Variants in BMP2K observed in about 807,000 individuals in gnomAD.
The protein encoded by BMP2K is BMP2 inducible kinase.
A neutral mutation model predicts 116.0 loss-of-function variants in BMP2K; 74 were observed. The ratio of observed to expected loss-of-function variants is 0.64; its 90% confidence interval spans 0.53 to 0.77. The LOEUF (loss-of-function observed/expected upper bound fraction) is 0.77, where lower values mean the gene tolerates loss of function less well. Ranked by LOEUF, BMP2K falls within the 30% of genes least tolerant of loss-of-function variation. The pLI is 0.00. For missense variants in BMP2K, 1,365 were observed against 1,403.6 expected, an observed-to-expected ratio of 0.97 and a Z score of 0.44; for synonymous variants, 486 against 502.5, an observed-to-expected ratio of 0.97 and a Z score of 0.44.
Position 78,910,701 on chromosome 4 carries a change from T to C in BMP2K, c.2154T>C (p.Ser718=). Residue 718 remains serine, a synonymous_variant, in exon 16 of 16, where the codon TCT becomes TCC. Coordinates refer to ENST00000502613, the MANE Select transcript of BMP2K (RefSeq NM_198892.2). The part of the protein sequence containing the change: ...PIKNGKTSPA[S]KDQRTGKKTS... ...AGAACGGTAAAACAAGTCCAGCATC[T>C]AAAGATCAGCGGACTGGAAAGAAAA... is the stretch of plus-strand genomic sequence containing the variant. 6.2e-7 allele frequency: 1 copy of C among 1,612,398 alleles called. No individual in the cohort carries two copies. Among genetic ancestry groups the C allele is most frequent in the Non-Finnish European group, 8.5e-7 (1 of 1,179,492 alleles).
At chr4:78,842,205 A>AATTTC (rs1730792203) in intron 3 of BMP2K, among the ~76,000 whole-genome samples, 180 bp from the exon 4 acceptor site, 1 of 152,084 alleles carries the variant, frequency 6.6e-6, no homozygotes, top group Non-Finnish European at 1.5e-5. Flanking sequence ...TTTGAGATGT[A>AATTTC]AAATGTGAAA....
intron 15 of BMP2K, among the ~76,000 whole-genome samples, chr4:78,902,933 T>C (rs1215815594): frequency 6.6e-6 from 1 of 152,124 alleles, no homozygotes; most frequent in Non-Finnish European, 1.5e-5. Flanking sequence ...TAGGATCTCA[T>C]TCTTTTTATG....
intron 14 of BMP2K, among the ~76,000 whole-genome samples, chr4:78,883,609 G>A (rs1443400470): frequency 2.6e-5 from 4 of 152,172 alleles, no homozygotes; most frequent in African/African-American, 7.2e-5. Flanking sequence ...ATGATAATGT[G>A]TATAGTTTTG....
chr4:78,845,658 A>G (rs1730964665), intron 5 of BMP2K, among the ~76,000 whole-genome samples: 1 of 151,644 alleles, frequency 6.6e-6, no homozygotes, highest in Non-Finnish European at 1.5e-5. Flanking sequence ...AGAAAATGGA[A>G]CTATTTGTAA....
intron 3 of BMP2K, among the ~76,000 whole-genome samples, chr4:78,837,916 TAA>T (rs1447053693): frequency 6.6e-6 from 1 of 152,204 alleles, no homozygotes; most frequent in Non-Finnish European, 1.5e-5. Context: ...GTGTTGCGAT[TAA>T]GGGCAGAACC....
intron 2 of BMP2K, among the ~76,000 whole-genome samples, chr4:78,826,824 A>G (rs1424177756): frequency 6.6e-6 from 1 of 152,154 alleles, no homozygotes; most frequent in Non-Finnish European, 1.5e-5. Context: ...TCAGGATAGA[A>G]ATATTTACTG....
At chr4:78,861,502 T>TA (rs747995119) in intron 9 of BMP2K, 34 bp downstream of exon 9, 376 of 1,508,432 alleles carry the variant, frequency 2.5e-4, no homozygotes, top group Non-Finnish European at 2.9e-4. Context: ...GAAAAGGCAT[T>TA]AAAAAAAATG....
chr4:78,862,504 C>T (rs1416240615), intron 9 of BMP2K, among the ~76,000 whole-genome samples: 1 of 151,956 alleles, frequency 6.6e-6, no homozygotes, highest in Non-Finnish European at 1.5e-5. Flanking sequence ...TGTGAAACTA[C>T]AGGACTAGGA....
At chr4:78,908,570 A>G (rs1734403119) in intron 15 of BMP2K, among the ~76,000 whole-genome samples, 1 of 152,156 alleles carries the variant, frequency 6.6e-6, no homozygotes, top group African/African-American at 2.4e-5. Context: ...CTGCATACCA[A>G]CTGCATGGTG....
rs540479491 is a variant in BMP2K, at chr4:78,795,794, A to G, written c.178+19073A>G. Among the ~76,000 whole-genome samples, 52 of 152,342 alleles carry G rather than the reference A, an allele frequency of 3.4e-4. 2 individuals are homozygous for G. The South Asian group carries it at 7.5e-3, about 22-fold the overall frequency. Reference sequence around the variant, plus strand: ...CCAAAAAACACATGAAAAAATACTCATCATCTCACTGGCCATCAGAGAAAT... The same window carrying G: ...CCAAAAAACACATGAAAAAATACTCGTCATCTCACTGGCCATCAGAGAAAT... On this transcript the variant is annotated intron_variant, in intron 1 of 15. Transcript: ENST00000502613.
At chr4:78,889,053 C>T (rs1733270667) in intron 15 of BMP2K, among the ~76,000 whole-genome samples, 2 of 152,134 alleles carry the variant, frequency 1.3e-5, no homozygotes, top group Middle Eastern at 3.4e-3. Flanking sequence ...AACCCCATCT[C>T]TACTAAAAAT....
rs1456873863 is a variant in BMP2K at position 78,870,788 on chromosome 4, C to T, written c.1237C>T (p.Leu413=). The T allele has an allele frequency of 3.1e-6, 5 of 1,613,210 alleles. No homozygotes were observed. The highest frequency in any genetic ancestry group is 4.2e-6 in the Non-Finnish European group (5 of 1,179,446). Residue 413 remains leucine (L), a synonymous_variant, in exon 11 of 16, where the codon CTA becomes TTA. Coordinates refer to ENST00000502613, the MANE Select transcript of BMP2K (RefSeq NM_198892.2). ...GTGTTTGGACCTGTCTTTAGGGGCA[C>T]TAAGACCTGGAAATGGCCCTGAAAT... The part of the protein sequence containing the change: ...EFGNHRPKGA[L]RPGNGPEILL...
chr4:78,858,322 CTT>C (rs1731602760), intron 7 of BMP2K, among the ~76,000 whole-genome samples: 1 of 151,750 alleles, frequency 6.6e-6, no homozygotes, highest in African/African-American at 2.4e-5. Context: ...TTCCTCAAAT[CTT>C]TTTTGGATTG....
intron 14 of BMP2K, 177 bp downstream of exon 14, chr4:78,879,068 A>G: frequency 2.2e-6 from 3 of 1,366,212 alleles, no homozygotes; most frequent in Non-Finnish European, 2.8e-6. Flanking sequence ...TGCATTAGAA[A>G]TCAGTTGCTT....
rs1438337266 is a variant in BMP2K, at chr4:78,850,923, G to A, written c.751-1G>A. The A allele has an allele frequency of 3.1e-6, 5 of 1,610,628 alleles. No individual in the cohort carries two copies. The highest frequency in any genetic ancestry group is 4.2e-6 in the Non-Finnish European group (5 of 1,178,150). ...GATATTTATGCTTCTTTGGTTTACAGGCACTGGGATGTCTACTCTATAAAC... is the reference window on the plus strand; with the variant it reads ...GATATTTATGCTTCTTTGGTTTACAAGCACTGGGATGTCTACTCTATAAAC... On this transcript the variant is annotated splice_acceptor_variant, in intron 6 of 15. Coordinates refer to ENST00000502613, the MANE Select transcript of BMP2K (RefSeq NM_198892.2). LOFTEE classifies it high-confidence loss of function.
chr4:78,896,150 A>G (rs1015501607), intron 15 of BMP2K, among the ~76,000 whole-genome samples: 1 of 152,060 alleles, frequency 6.6e-6, no homozygotes, highest in African/African-American at 2.4e-5. Context: ...TTTGCAGCCA[A>G]GATTATAAAT....
intron 1 of BMP2K, among the ~76,000 whole-genome samples, chr4:78,799,903 A>C (rs999549257): frequency 1.3e-5 from 2 of 152,178 alleles, no homozygotes; most frequent in Non-Finnish European, 2.9e-5. Context: ...AATAATAACT[A>C]GGTGGTTTTT....
intron 7 of BMP2K, chr4:78,859,375 T>C (rs1161093301): frequency 5.3e-6 from 2 of 379,158 alleles, no homozygotes; most frequent in Non-Finnish European, 4.7e-6. Context: ...AGAGCTGTTC[T>C]GTGATTGATC....
At chr4:78,892,800 AT>A (rs1374587999) in intron 15 of BMP2K, among the ~76,000 whole-genome samples, 10 of 152,206 alleles carry the variant, frequency 6.6e-5, no homozygotes, top group Non-Finnish European at 1.3e-4. Context: ...GTCTAAAAAA[AT>A]GTATATACCA....
Sources: gnomAD v4.1 joint callset for allele counts (sites outside exome capture counted in the v4.1 genomes callset) on GRCh38, gnomAD v4.1.1 for gene constraint, MANE v1.5 for transcripts, NCBI Gene and HGNC (gene_info 2026-07-23, HGNC 2026-07-21) for gene names.